Variants in ANKFY1 observed in about 807,000 individuals in gnomAD.
The protein encoded by ANKFY1 is ankyrin repeat and FYVE domain-containing protein 1.
ANKFY1 carries 47 observed loss-of-function variants against 128.3 expected under a neutral mutation model. That is an observed-to-expected ratio of 0.37 (90% CI 0.29 to 0.47). The LOEUF (loss-of-function observed/expected upper bound fraction) is 0.47, where lower values mean the gene tolerates loss of function less well. Among genes scored for constraint, ANKFY1 ranks in the 20% least tolerant of loss-of-function variants. The probability of loss-of-function intolerance (pLI) is 1.00; values close to 1 mark genes in which losing one functional copy is unlikely to be tolerated. For synonymous variants in ANKFY1, 553 were observed against 601.6 expected, an observed-to-expected ratio of 0.92 and a Z score of 1.18; for missense variants, 1,222 against 1,510.6, an observed-to-expected ratio of 0.81 and a Z score of 3.17.
chr17:4,233,004 G>GA (rs1013273027), intron 3 of ANKFY1, among the ~76,000 whole-genome samples: 75 of 141,172 alleles, frequency 5.3e-4, no homozygotes, highest in East Asian at 6.1e-4. Flanking sequence ...AGATAATGAA[G>GA]AAAAAAAAAA....
chr17:4,172,804 GTTTTTC>G lies in ANKFY1; in HGVS notation c.3015-130_3015-125del, dbSNP rs577136299. 206 of 1,339,850 alleles carry G rather than the reference GTTTTTC, an allele frequency of 1.5e-4. No individual in the cohort carries two copies. In the African/African-American group the frequency reaches 2.6e-3, roughly 17 times the overall value. The allele number at this position is 1,339,850 out of a possible 1,614,324, so 83.0% of individuals were successfully genotyped here. A position where few individuals can be genotyped will look rare whatever the true frequency, so the allele number is the denominator to read the frequency against. On this transcript the variant is annotated intron_variant, in intron 21 of 24. Transcript: ENST00000341657. ...AAAAGACACAAAACAAGTCACAAAA[GTTTTTC>G]TTTTTCTTATTTTGTATTTTACTGT...
At chr17:4,184,320 G>T (rs4790586) in intron 12 of ANKFY1, among the ~76,000 whole-genome samples, 142,095 of 152,238 alleles carry the variant, frequency 0.93, 67,137 homozygotes, top group East Asian at 1. Context: ...AGAAGGACAA[G>T]GCTAAAAAAA....
intron 7 of ANKFY1, among the ~76,000 whole-genome samples, chr17:4,205,186 G>A (rs914051634): frequency 3.9e-5 from 6 of 152,090 alleles, no homozygotes; most frequent in African/African-American, 1.4e-4. Context: ...TGATGTCTAC[G>A]TGTAAGTAAA....
chr17:4,254,007 T>A (rs1261383570), intron 1 of ANKFY1, among the ~76,000 whole-genome samples: 1 of 152,086 alleles, frequency 6.6e-6, no homozygotes, highest in Non-Finnish European at 1.5e-5. Context: ...TCATGTATCC[T>A]TGTAAGAGGG....
intron 3 of ANKFY1, among the ~76,000 whole-genome samples, chr17:4,219,562 T>C (rs1032610095): frequency 1.4e-4 from 22 of 152,164 alleles, no homozygotes; most frequent in African/African-American, 3.9e-4. Context: ...TAATTAGGAA[T>C]TGGCTCATTA....
At chr17:4,223,682 T>A in intron 3 of ANKFY1, 1 of 1,602,012 alleles carries the variant, frequency 6.2e-7, no homozygotes, top group South Asian at 1.1e-5. Context: ...GAAAGATGGT[T>A]ACCGAATAGC....
intron 13 of ANKFY1, 103 bp downstream of exon 13, chr17:4,183,709 A>G: frequency 1.4e-6 from 2 of 1,416,504 alleles, no homozygotes; most frequent in Non-Finnish European, 2.0e-6. Context: ...CAACCAAATG[A>G]TTAGCCCAGT....
chr17:4,212,280 T>C (rs912938671), intron 4 of ANKFY1, among the ~76,000 whole-genome samples: 4 of 152,238 alleles, frequency 2.6e-5, no homozygotes, highest in African/African-American at 9.6e-5. Flanking sequence ...AAAGGCAGAA[T>C]GTGGTGGACA....
At chr17:4,204,756 G>T (rs568848968) in intron 7 of ANKFY1, among the ~76,000 whole-genome samples, 1 of 151,398 alleles carries the variant, frequency 6.6e-6, no homozygotes, top group South Asian at 2.1e-4. Context: ...TCTCAGACAC[G>T]AAACAGTGTG....
intron 7 of ANKFY1, among the ~76,000 whole-genome samples, chr17:4,198,375 GA>G (rs1018256481): frequency 6.6e-6 from 1 of 150,468 alleles, no homozygotes; most frequent in Non-Finnish European, 1.5e-5. Flanking sequence ...TTTCTTTTTA[GA>G]TTTTTTTTTT....
chr17:4,196,857 C>T (rs2059833558), intron 8 of ANKFY1, among the ~76,000 whole-genome samples: 1 of 152,210 alleles, frequency 6.6e-6, no homozygotes, highest in Non-Finnish European at 1.5e-5. Flanking sequence ...AACTGGCTCA[C>T]GCCCGTAATC....
chr17:4,190,692 A>AGGC (rs1378540015), intron 10 of ANKFY1, among the ~76,000 whole-genome samples: 1 of 152,084 alleles, frequency 6.6e-6, no homozygotes, highest in Non-Finnish European at 1.5e-5. Flanking sequence ...GAAAAAAATG[A>AGGC]GTTTTTTTTT....
intron 7 of ANKFY1, among the ~76,000 whole-genome samples, chr17:4,205,169 C>T (rs2059999437): frequency 6.6e-6 from 1 of 152,138 alleles, no homozygotes; most frequent in African/African-American, 2.4e-5. Flanking sequence ...CAAGTAGATT[C>T]TCTCTTTGAT....
intron 8 of ANKFY1, 42 bp downstream of exon 8, chr17:4,197,331 T>A (rs1161564676): frequency 6.2e-7 from 1 of 1,600,882 alleles, no homozygotes; most frequent in Admixed American, 1.7e-5. Flanking sequence ...AGATATCTTC[T>A]GAGAACAGTG....
rs773261749 is a variant in ANKFY1, at chr17:4,172,694, T to C, written c.3015-14A>G. 4 of 1,613,296 alleles carry C rather than the reference T, an allele frequency of 2.5e-6. No homozygotes were observed. The Admixed American group carries it at 5.0e-5, about 20-fold the overall frequency. On this transcript the variant is annotated splice_polypyrimidine_tract_variant and intron_variant, in intron 21 of 24. Transcript: ENST00000341657. ...GGTGACTGGCCTCTGATAAAACAAG[T>C]TGGAAAAGTTAGGAATGTATCTGCC... is the stretch of plus-strand genomic sequence containing the variant.
chr17:4,195,990 C>CA (rs2059811914), intron 8 of ANKFY1, among the ~76,000 whole-genome samples: 11 of 149,748 alleles, frequency 7.3e-5, no homozygotes, highest in African/African-American at 2.2e-4. Context: ...CACACACACA[C>CA]CCCCGAGTCA....
chr17:4,166,961 C>T lies in ANKFY1; in HGVS notation c.*818G>A, dbSNP rs2059221768. ...AATATGGATTTTTAAATTGGAATCA[C>T]CGACAATGCAGCTCTATAAAAAGTG... On this transcript the variant is annotated 3_prime_UTR_variant, in exon 25 of 25. Transcript: ENST00000341657. The T allele has an allele frequency of 6.6e-6, 1 of 152,598 alleles. No homozygotes were observed. Among genetic ancestry groups the T allele is most frequent in the Admixed American group, 6.5e-5 (1 of 15,280 alleles). 9.5% of individuals were successfully genotyped at this position (152,598 alleles called of 1,614,324 possible).
At chr17:4,205,961 G>A (rs1275170642) in intron 7 of ANKFY1, among the ~76,000 whole-genome samples, 3 of 152,328 alleles carry the variant, frequency 2.0e-5, no homozygotes, top group African/African-American at 7.2e-5. Context: ...TACTATCCTT[G>A]TATCTGTGGT....
At chr17:4,242,755 G>A (rs972361621) in intron 1 of ANKFY1, among the ~76,000 whole-genome samples, 1 of 152,268 alleles carries the variant, frequency 6.6e-6, no homozygotes, top group East Asian at 1.9e-4. Flanking sequence ...GAAAAAAAAA[G>A]AATGGCTTTG....
Sources: gnomAD v4.1 joint callset for allele counts (sites outside exome capture counted in the v4.1 genomes callset) on GRCh38, gnomAD v4.1.1 for gene constraint, MANE v1.5 for transcripts, NCBI Gene and HGNC (gene_info 2026-07-23, HGNC 2026-07-21) for gene names.